The following DENND3 variants were observed in gnomAD, a reference collection of about 807,000 sequenced individuals.
The protein encoded by DENND3 is DENN domain-containing protein 3.
Under a neutral mutation model 135.1 loss-of-function variants are expected in DENND3, and 88 were observed. The observed-to-expected ratio is 0.65, with a 90% CI of 0.55 to 0.78. The LOEUF is 0.78. DENND3 is among the 30% of genes least tolerant of loss of function. The pLI, the probability that DENND3 is intolerant of heterozygous loss-of-function variation, is 0.00. For missense variants in DENND3, 1,392 were observed against 1,688.4 expected (o/e 0.82, Z 3.08); for synonymous variants, 693 against 712.3 (o/e 0.97, Z 0.43).
At chr8:141,178,504 C>T (rs758642549) in intron 16 of DENND3, among the ~76,000 whole-genome samples, 5 of 152,222 alleles carry the variant, frequency 3.3e-5, no homozygotes, top group Non-Finnish European at 7.3e-5. Context: ...AGCCTTTCCT[C>T]TGGCTGGCTG....
At chr8:141,191,043 A>G (rs754647493) in intron 20 of DENND3, among the ~76,000 whole-genome samples, 36 of 152,316 alleles carry the variant, frequency 2.4e-4, no homozygotes, top group Non-Finnish European at 3.1e-4. Flanking sequence ...TCTTTTTTGT[A>G]ATGGAGGCGT....
intron 5 of DENND3, chr8:141,150,150 A>G (rs573766136): frequency 5.7e-6 from 2 of 351,594 alleles, no homozygotes; most frequent in Non-Finnish European, 1.1e-5. Context: ...CTGGGCACCC[A>G]GCATTTCCTG....
intron 7 of DENND3, among the ~76,000 whole-genome samples, chr8:141,153,501 C>T (rs1416795593): frequency 2.0e-5 from 3 of 152,352 alleles, no homozygotes; most frequent in Middle Eastern, 3.4e-3. Flanking sequence ...CCCCCAGCCC[C>T]GCTTTTCCCG....
intron 9 of DENND3, among the ~76,000 whole-genome samples, chr8:141,161,946 G>A (rs566713422): frequency 6.6e-6 from 1 of 152,056 alleles, no homozygotes; most frequent in African/African-American, 2.4e-5. Context: ...GACTGCAGGC[G>A]CCTGCCACCA....
chr8:141,166,256 G>T lies in DENND3; in HGVS notation c.1620G>T (p.Ser540=). The change falls in exon 12 of 23, where the codon TCG becomes TCT. Residue 540 remains serine, a synonymous_variant. Coordinates refer to ENST00000519811, the MANE Select transcript of DENND3 (RefSeq NM_001352890.3). The surrounding 1 kb of genome is among the most constrained non-coding windows in gnomAD (Gnocchi z 4.3). ...TVEKRASRKS[S]HLHVTHRRMV... is the part of the protein sequence containing the mutation. The stretch of plus-strand genomic sequence containing the variant: ...AGAAAAGAGCCTCCCGGAAGTCCTC[G>T]CACCTGCATGTCACCCACAGGCGCA... 6.2e-7 allele frequency: 1 copy of T among 1,614,118 alleles called. No homozygotes were observed. Among genetic ancestry groups the T allele is most frequent in the South Asian group, 1.1e-5 (1 of 91,082 alleles).
rs959767113 is a variant in DENND3, at chr8:141,174,114, G to A, written c.2276-1086G>A. ...TGGTGTGAGCAGGCAGGATGAGTGTGTGTGTGCGTGTAACAACACGACCTG... is the reference window on the plus strand; with the variant it reads ...TGGTGTGAGCAGGCAGGATGAGTGTATGTGTGCGTGTAACAACACGACCTG... On this transcript the variant is annotated intron_variant, in intron 13 of 22. Coordinates refer to ENST00000519811, the MANE Select transcript of DENND3 (RefSeq NM_001352890.3). This position sits in a 1 kb window ranked among gnomAD's most constrained non-coding sequence, Gnocchi z 4.6. Among the ~76,000 whole-genome samples, 7 of 152,120 alleles carry A rather than the reference G, an allele frequency of 4.6e-5. No individual in the cohort carries two copies. Among genetic ancestry groups the A allele is most frequent in the Non-Finnish European group, 7.4e-5 (5 of 68,010 alleles).
At position 141,170,435 on chromosome 8, in the gene DENND3, G is replaced by A. The variant is rs377169879; in HGVS notation, c.2275+1910G>A. Among the ~76,000 whole-genome samples, 32 of 151,440 alleles carry A rather than the reference G, an allele frequency of 2.1e-4. No individual in the cohort carries two copies. The East Asian group carries it at 2.3e-3, about 11-fold the overall frequency. ...TGTGTGTATATGTGTGCGAGTGTGCGTGTGTGCGCGCGCTGTACCTCTCCC... is the reference window on the plus strand; with the variant it reads ...TGTGTGTATATGTGTGCGAGTGTGCATGTGTGCGCGCGCTGTACCTCTCCC... On this transcript the variant is annotated intron_variant, in intron 13 of 22. Transcript: ENST00000519811.
At chr8:141,150,618 AAG>A (rs1589587372) in intron 5 of DENND3, among the ~76,000 whole-genome samples, 1 of 152,222 alleles carries the variant, frequency 6.6e-6, no homozygotes, top group East Asian at 1.9e-4. Context: ...TACTTAGAAA[AAG>A]ACATTAAGTA....
chr8:141,160,764 GC>G lies in DENND3; in HGVS notation c.1330del (p.Gln444SerfsTer4), dbSNP rs1569555963. 8 of 1,612,274 alleles carry G rather than the reference GC, an allele frequency of 5.0e-6. No homozygotes were observed. Among genetic ancestry groups the G allele is most frequent in the Non-Finnish European group, 6.8e-6 (8 of 1,179,188 alleles). ...ACTGCCAGATACAGCAGACCACCCT[GC>G]AGCTGCTCGTGAGCATCTTCAGGTA... Reference protein sequence around the residue: ...LNCQIQQTTLQLLVSIFRDVK... With the variant: ...LNCQIQQTTLXLLVSIFRDVK... On this transcript the variant is annotated frameshift_variant, in exon 9 of 23. Transcript: ENST00000519811. LOFTEE classifies it high-confidence loss of function.
At chr8:141,140,357 C>T (rs911303070) in intron 3 of DENND3, among the ~76,000 whole-genome samples, 10 of 152,192 alleles carry the variant, frequency 6.6e-5, no homozygotes, top group African/African-American at 1.7e-4. Flanking sequence ...GCAGCAGCCA[C>T]GCGCGCGTGT....
chr8:141,189,229 G>C (rs1824352421), intron 19 of DENND3, 83 bp downstream of exon 19: 15 of 1,582,996 alleles, frequency 9.5e-6, no homozygotes, highest in Non-Finnish European at 1.2e-5. Context: ...CCCAAGTCTT[G>C]TGCCCACAGG....
chr8:141,190,527 T>C, intron 20 of DENND3, 110 bp downstream of exon 20: 13 of 1,397,982 alleles, frequency 9.3e-6, no homozygotes, highest in Non-Finnish European at 1.2e-5. Context: ...CTTTCCAGTC[T>C]TTATTTTAAA....
Position 141,180,733 on chromosome 8 carries a change from G to T in DENND3, c.2837-14G>T. The T allele has an allele frequency of 6.2e-7, 1 of 1,610,846 alleles. No homozygotes were observed. The highest frequency in any genetic ancestry group is 8.5e-7 in the Non-Finnish European group (1 of 1,178,064). On this transcript the variant is annotated splice_polypyrimidine_tract_variant and intron_variant, in intron 16 of 22. Coordinates refer to ENST00000519811, the MANE Select transcript of DENND3 (RefSeq NM_001352890.3). ...AGGCTGCAACAGTAACACTCCAAGT[G>T]TCTTGTCTTTCAGTGCCCATGACGC...
At position 141,128,758 on chromosome 8, in the gene DENND3, G is replaced by T; in HGVS notation, c.51G>T (p.Glu17Asp). 1 of 1,470,404 alleles carries T rather than the reference G, an allele frequency of 6.8e-7. No individual in the cohort carries two copies. The highest frequency in any genetic ancestry group is 9.0e-7 in the Non-Finnish European group (1 of 1,114,368). The allele number at this position is 1,470,404 out of a possible 1,614,324, so 91.1% of individuals were successfully genotyped here. Residue 17 changes from glutamate to aspartate, a missense_variant, in exon 1 of 23, where the codon GAG becomes GAT. Coordinates refer to ENST00000519811, the MANE Select transcript of DENND3 (RefSeq NM_001352890.3). This position sits in a 1 kb window ranked among gnomAD's most constrained non-coding sequence, Gnocchi z 4.5. Reference protein sequence around the residue: ...PHLSLPSGLLELCALLGAPRD... With the variant: ...PHLSLPSGLLDLCALLGAPRD... ...TGTCGCTGCCCTCGGGGCTGCTGGA[G>T]CTCTGCGCGCTGCTGGGCGCCCCCC...
chr8:141,136,829 C>T, intron 2 of DENND3, 38 bp downstream of exon 2: 2 of 1,499,000 alleles, frequency 1.3e-6, no homozygotes, highest in Non-Finnish European at 1.8e-6. Context: ...GCGCCTCCTG[C>T]TGCCGGCCAC....
chr8:141,158,292 G>A lies in DENND3; in HGVS notation c.1196+2322G>A, dbSNP rs1007311873. 18 of 1,284,766 alleles carry A rather than the reference G, an allele frequency of 1.4e-5. No homozygotes were observed. The Admixed American group carries it at 4.2e-4, about 30-fold the overall frequency. 79.6% of individuals were successfully genotyped at this position (1,284,766 alleles called of 1,614,324 possible). On this transcript the variant is annotated intron_variant, in intron 8 of 22. Coordinates refer to ENST00000519811, the MANE Select transcript of DENND3 (RefSeq NM_001352890.3). ...AATCATCTCAGTTACTTTCTGGTAA[G>A]CCACAGCTGCTTCCTTGACTTTTAG...
In DENND3 at chr8:141,141,484, GTTCT is replaced by G; in HGVS notation, c.623+161_623+164del. 1.2e-6 allele frequency: 1 copy of G among 819,044 alleles called. No homozygotes were observed. The highest frequency in any genetic ancestry group is 1.9e-6 in the Non-Finnish European group (1 of 530,224). The allele number at this position is 819,044 out of a possible 1,614,324, so 50.7% of individuals were successfully genotyped here. ...GGCGCTGGGGGCAGTAGGAGGGGCA[GTTCT>G]CTGTGCCTCTTAGGCTGTTGCTTAA... On this transcript the variant is annotated intron_variant, in intron 4 of 22. Transcript: ENST00000519811. The surrounding 1 kb of genome is among the most constrained non-coding windows in gnomAD (Gnocchi z 5.3).
At position 141,141,356 on chromosome 8, in the gene DENND3, AG is replaced by A; in HGVS notation, c.623+37del. On this transcript the variant is annotated intron_variant, in intron 4 of 22. Transcript: ENST00000519811. This position sits in a 1 kb window ranked among gnomAD's most constrained non-coding sequence, Gnocchi z 5.3. ...TGGGGCACCGGGGGCCAGGGGTGGT[AG>A]GGGGCAGCTCTTTGTGCCTCTCCAG... 7.5e-7 allele frequency: 1 copy of A among 1,341,434 alleles called. No individual in the cohort carries two copies. The allele number at this position is 1,341,434 out of a possible 1,614,324, so 83.1% of individuals were successfully genotyped here. A position where few individuals can be genotyped will look rare whatever the true frequency, so the allele number is the denominator to read the frequency against.
chr8:141,129,974 C>T (rs10092643), intron 1 of DENND3: 3,772 of 152,350 alleles, frequency 0.025, 86 homozygotes, highest in Middle Eastern at 0.044. Context: ...CAGTAGATCC[C>T]GTTTGACCTC....
Sources: gnomAD v4.1 joint callset for allele counts (sites outside exome capture counted in the v4.1 genomes callset) on GRCh38, gnomAD v4.1.1 for gene constraint, Gnocchi (gnomAD v3.1) non-coding constraint, MANE v1.5 for transcripts, NCBI Gene and HGNC (gene_info 2026-07-23, HGNC 2026-07-21) for gene names.